Variants in DCC observed in about 807,000 individuals in gnomAD.
DCC encodes netrin receptor DCC.
DCC carries 58 observed loss-of-function variants against 172.5 expected under a neutral mutation model. That is an observed-to-expected ratio of 0.34 (90% CI 0.27 to 0.42). The LOEUF is 0.42. Among genes scored for constraint, DCC ranks in the 10% least tolerant of loss-of-function variants. The probability of loss-of-function intolerance (pLI) is 1.00; values close to 1 mark genes in which losing one functional copy is unlikely to be tolerated. For synonymous variants in DCC, 709 were observed against 644.5 expected (o/e 1.10, Z -1.52); for missense variants, 1,740 against 1,791.0 (o/e 0.97, Z 0.51).
intron 1 of DCC, among the ~76,000 whole-genome samples, chr18:52,494,442 C>T (rs950737087): frequency 1.3e-5 from 2 of 151,848 alleles, no homozygotes; most frequent in African/African-American, 2.4e-5. Flanking sequence ...TTTTCTTTCT[C>T]CTAATAGTAT....
At chr18:52,435,883 A>C (rs1987778469) in intron 1 of DCC, among the ~76,000 whole-genome samples, 1 of 152,168 alleles carries the variant, frequency 6.6e-6, no homozygotes. Flanking sequence ...AGATCTCAGG[A>C]AGTCCCATCT....
At chr18:53,142,321 G>C (rs2043843650) in intron 7 of DCC, among the ~76,000 whole-genome samples, 1 of 152,196 alleles carries the variant, frequency 6.6e-6, no homozygotes, top group Non-Finnish European at 1.5e-5. Flanking sequence ...GTCGGGTGGT[G>C]CACATTCTTT....
chr18:52,631,722 C>T (rs926918464), intron 1 of DCC, among the ~76,000 whole-genome samples: 2 of 152,140 alleles, frequency 1.3e-5, no homozygotes, highest in African/African-American at 4.8e-5. Flanking sequence ...TTTTTTAACT[C>T]AATGCAAATT....
At chr18:52,515,170 G>A (rs1414551208) in intron 1 of DCC, among the ~76,000 whole-genome samples, 2 of 152,114 alleles carry the variant, frequency 1.3e-5, no homozygotes, top group East Asian at 3.9e-4. Flanking sequence ...TTTTGACAAA[G>A]GCTCAAAGCC....
intron 25 of DCC, among the ~76,000 whole-genome samples, chr18:53,477,042 C>CTCTG (rs1443767847): frequency 6.6e-6 from 1 of 152,174 alleles, no homozygotes; most frequent in Non-Finnish European, 1.5e-5. Context: ...CAGACTCTCA[C>CTCTG]TCTGTTGCCC....
At chr18:52,599,472 A>G (rs34234743) in intron 1 of DCC, among the ~76,000 whole-genome samples, 28,640 of 152,062 alleles carry the variant, frequency 0.19, 2,844 homozygotes, top group African/African-American at 0.22. Context: ...TAAATTTCAC[A>G]GATTTTTCAC....
intron 2 of DCC, among the ~76,000 whole-genome samples, chr18:52,845,184 T>A (rs1031729981): frequency 6.6e-6 from 1 of 152,156 alleles, no homozygotes; most frequent in Non-Finnish European, 1.5e-5. Context: ...CTGAGAACAA[T>A]TTCCAAGAAT....
At chr18:52,717,430 CTT>C (rs59202776) in intron 1 of DCC, among the ~76,000 whole-genome samples, 33 of 123,416 alleles carry the variant, frequency 2.7e-4, no homozygotes, top group African/African-American at 9.7e-4. Context: ...TTCTAAATTT[CTT>C]TTTTTTTTTT....
intron 13 of DCC, among the ~76,000 whole-genome samples, chr18:53,306,448 C>T (rs1029582199): frequency 6.6e-6 from 1 of 152,142 alleles, no homozygotes; most frequent in Non-Finnish European, 1.5e-5. Flanking sequence ...GAAGAGAAAA[C>T]AGATAATGGT....
At chr18:53,014,418 G>A (rs2041776340) in intron 5 of DCC, among the ~76,000 whole-genome samples, 1 of 92,106 alleles carries the variant, frequency 1.1e-5, no homozygotes, top group Admixed American at 1.1e-4. Flanking sequence ...ATCTCCTAAT[G>A]TTATCCCTCC....
intron 2 of DCC, among the ~76,000 whole-genome samples, chr18:52,781,417 T>TTAA (rs1555660881): frequency 5.9e-5 from 9 of 151,946 alleles, no homozygotes; most frequent in African/African-American, 1.7e-4. Flanking sequence ...CTATCTGAGC[T>TTAA]TGATTACAAG....
chr18:52,343,790 C>T (rs938756144), intron 1 of DCC, among the ~76,000 whole-genome samples: 27 of 152,328 alleles, frequency 1.8e-4, no homozygotes, highest in African/African-American at 5.3e-4. Flanking sequence ...TGAGGCTGGT[C>T]GCCCTCCCTA....
chr18:52,366,309 C>G (rs924475228), intron 1 of DCC, among the ~76,000 whole-genome samples: 1 of 152,096 alleles, frequency 6.6e-6, no homozygotes. Flanking sequence ...TGAGCAGTAG[C>G]AAGATTTATT....
intron 15 of DCC, among the ~76,000 whole-genome samples, chr18:53,360,914 G>C (rs1289942453): frequency 6.6e-6 from 1 of 152,146 alleles, no homozygotes; most frequent in African/African-American, 2.4e-5. Context: ...GTACTGGTTT[G>C]AAGGGGAGCC....
chr18:52,512,831 A>G lies in DCC; in HGVS notation c.91+171953A>G, dbSNP rs953134711. Among the ~76,000 whole-genome samples, 7 of 152,344 alleles carry G rather than the reference A, an allele frequency of 4.6e-5. No homozygotes were observed. The East Asian group carries it at 1.2e-3, about 25-fold the overall frequency. On this transcript the variant is annotated intron_variant, in intron 1 of 28. Transcript: ENST00000442544. ...TTTTGAATGAGATGGTCCACATCTCATTAGATGTGGTATCTGGAAGAGTGC... is the reference window on the plus strand; with the variant it reads ...TTTTGAATGAGATGGTCCACATCTCGTTAGATGTGGTATCTGGAAGAGTGC...
intron 1 of DCC, among the ~76,000 whole-genome samples, chr18:52,556,929 G>T (rs1400971458): frequency 6.6e-6 from 1 of 152,130 alleles, no homozygotes; most frequent in Non-Finnish European, 1.5e-5. Flanking sequence ...TGGCCCAATG[G>T]CTATAACAAC....
chr18:53,149,299 A>G (rs191202645), intron 7 of DCC, among the ~76,000 whole-genome samples: 32 of 152,286 alleles, frequency 2.1e-4, no homozygotes, highest in Middle Eastern at 3.4e-3. Context: ...AATGCAAATC[A>G]TATGCTAGGT....
chr18:53,142,760 A>G (rs183320130), intron 7 of DCC, among the ~76,000 whole-genome samples: 1 of 152,314 alleles, frequency 6.6e-6, no homozygotes, highest in Admixed American at 6.5e-5. Flanking sequence ...ACTGTGAACT[A>G]CAGTCCAGTC....
chr18:53,299,623 CTCTT>C (rs2057108690), intron 12 of DCC, among the ~76,000 whole-genome samples: 1 of 152,146 alleles, frequency 6.6e-6, no homozygotes, highest in African/African-American at 2.4e-5. Flanking sequence ...GTTCATATGT[CTCTT>C]TCCTCAGCCA....
Sources: gnomAD v4.1 joint callset for allele counts (sites outside exome capture counted in the v4.1 genomes callset) on GRCh38, gnomAD v4.1.1 for gene constraint, MANE v1.5 for transcripts, NCBI Gene and HGNC (gene_info 2026-07-23, HGNC 2026-07-21) for gene names.